PARD6B: variants seen among roughly 807,000 people sequenced by gnomAD.
PARD6B encodes the protein par-6 family cell polarity regulator beta, also known as partitioning defective 6 homolog beta.
A neutral mutation model predicts 10.5 loss-of-function variants in PARD6B; 4 were observed. The ratio of observed to expected loss-of-function variants is 0.38; its 90% CI spans 0.19 to 0.87. The LOEUF is 0.87. PARD6B is among the 40% of genes least tolerant of loss of function. The pLI, the probability that PARD6B is intolerant of heterozygous loss-of-function variation, is 0.41. For synonymous variants in PARD6B, 169 were observed against 170.4 expected (o/e 0.99, Z 0.07); for missense variants, 396 against 470.6 (o/e 0.84, Z 1.47).
At position 50,737,738 on chromosome 20, in the gene PARD6B, A is replaced by G. The variant is rs2087507207; in HGVS notation, c.67-119A>G. 6 of 694,630 alleles carry G rather than the reference A, an allele frequency of 8.6e-6. No individual in the cohort carries two copies. The East Asian group carries it at 8.9e-5, about 10-fold the overall frequency. 43.0% of individuals were successfully genotyped at this position (694,630 alleles called of 1,614,324 possible). ...ATAGTAAGGTTCTTCACAATAGACA[A>G]TCTTTCCTTAATTAAAAATACTTGC... On this transcript the variant is annotated intron_variant, in intron 1 of 2. Transcript: ENST00000371610.
intron 2 of PARD6B, among the ~76,000 whole-genome samples, chr20:50,745,228 G>A (rs764433549): frequency 3.9e-5 from 6 of 152,122 alleles, no homozygotes; most frequent in Non-Finnish European, 8.8e-5. Flanking sequence ...TCAGGAGTTC[G>A]CCACCAGCCT....
Position 50,751,846 on chromosome 20 carries a change from T to C in PARD6B, c.*1358T>C. On this transcript the variant is annotated 3_prime_UTR_variant, in exon 3 of 3. Transcript: ENST00000371610. The stretch of plus-strand genomic sequence containing the variant: ...CCTTCTGAGTAGCTAAGATTACAGG[T>C]GTGCGCCAACACGTCTGGCTTATTT... 1.1e-6 allele frequency: 1 copy of C among 876,146 alleles called. No individual in the cohort carries two copies. Among genetic ancestry groups the C allele is most frequent in the Non-Finnish European group, 1.4e-6 (1 of 732,334 alleles). The allele number at this position is 876,146 out of a possible 1,614,324, so 54.3% of individuals were successfully genotyped here. A position where few individuals can be genotyped will look rare whatever the true frequency, so the allele number is the denominator to read the frequency against.
At chr20:50,743,232 A>G (rs2087540651) in intron 2 of PARD6B, among the ~76,000 whole-genome samples, 1 of 152,232 alleles carries the variant, frequency 6.6e-6, no homozygotes, top group African/African-American at 2.4e-5. Flanking sequence ...TTGATGTGCT[A>G]CAGAACAGAC....
chr20:50,750,616 C>T lies in PARD6B; in HGVS notation c.*128C>T. 1 of 1,426,388 alleles carries T rather than the reference C, an allele frequency of 7.0e-7. No individual in the cohort carries two copies. 88.4% of individuals were successfully genotyped at this position (1,426,388 alleles called of 1,614,324 possible). On this transcript the variant is annotated 3_prime_UTR_variant, in exon 3 of 3. Coordinates refer to ENST00000371610, the MANE Select transcript of PARD6B (RefSeq NM_032521.3). The stretch of plus-strand genomic sequence containing the variant: ...TGAGACGAGTAACGTTGCAAGCTTA[C>T]AATATTATTAAAGTAGTAGTTTGAT...
At position 50,750,750 on chromosome 20, in the gene PARD6B, A is replaced by G. The variant is rs2087600411; in HGVS notation, c.*262A>G. ...TGCTGTTTTGTCTGTGGAGAATCAG[A>G]TGTTAAAGCACATTCTTGGAACTAT... is the stretch of plus-strand genomic sequence containing the variant. On this transcript the variant is annotated 3_prime_UTR_variant, in exon 3 of 3. Transcript: ENST00000371610. 1 of 1,224,508 alleles carries G rather than the reference A, an allele frequency of 8.2e-7. No homozygotes were observed. The highest frequency in any genetic ancestry group is 2.1e-5 in the South Asian group (1 of 46,684). 75.9% of individuals were successfully genotyped at this position (1,224,508 alleles called of 1,614,324 possible). A position where few individuals can be genotyped will look rare whatever the true frequency, so the allele number is the denominator to read the frequency against.
chr20:50,752,967 T>C lies in PARD6B; in HGVS notation c.*2479T>C. The C allele has an allele frequency of 1.0e-6, 1 of 984,310 alleles. No individual in the cohort carries two copies. The highest frequency in any genetic ancestry group is 1.2e-6 in the Non-Finnish European group (1 of 828,510). 61.0% of individuals were successfully genotyped at this position (984,310 alleles called of 1,614,324 possible). On this transcript the variant is annotated 3_prime_UTR_variant, in exon 3 of 3. Coordinates refer to ENST00000371610, the MANE Select transcript of PARD6B (RefSeq NM_032521.3). ...CTGTGAGTCTTACAAATTTGACTCTTGAATGGCAAAATAATGTTAGTATGT... is the reference window on the plus strand; with the variant it reads ...CTGTGAGTCTTACAAATTTGACTCTCGAATGGCAAAATAATGTTAGTATGT...
chr20:50,741,059 C>G (rs1489994325), intron 2 of PARD6B, among the ~76,000 whole-genome samples: 1 of 150,684 alleles, frequency 6.6e-6, no homozygotes, highest in Non-Finnish European at 1.5e-5. Flanking sequence ...TTCCCAGGTT[C>G]AAGTGATTGT....
chr20:50,753,110 G>T lies in PARD6B; in HGVS notation c.*2622G>T. ...TTAAAGTTTTAACATCAGAACTTTT[G>T]GGGGAAAAACTACTTCAGGGCTTGA... On this transcript the variant is annotated 3_prime_UTR_variant, in exon 3 of 3. Coordinates refer to ENST00000371610, the MANE Select transcript of PARD6B (RefSeq NM_032521.3). 13 of 983,434 alleles carry T rather than the reference G, an allele frequency of 1.3e-5. No homozygotes were observed. The highest frequency in any genetic ancestry group is 1.6e-5 in the Non-Finnish European group (13 of 828,482). The allele number at this position is 983,434 out of a possible 1,614,324, so 60.9% of individuals were successfully genotyped here.
rs533423162 is a variant in PARD6B, at chr20:50,739,489, C to T, written c.289+1410C>T. On this transcript the variant is annotated intron_variant, in intron 2 of 2. Transcript: ENST00000371610. ...GCTTGAGAGAATGGGTGGGGATTAT[C>T]TTTGAAGGTGAAAACTATTTCTAAT... Among the ~76,000 whole-genome samples, 35 of 152,074 alleles carry T rather than the reference C, an allele frequency of 2.3e-4. No homozygotes were observed. In the South Asian group the frequency reaches 7.3e-3, roughly 32 times the overall value.
At position 50,750,124 on chromosome 20, in the gene PARD6B, G is replaced by A. The variant is rs778325859; in HGVS notation, c.755G>A (p.Arg252Lys). The A allele has an allele frequency of 7.4e-6, 12 of 1,614,104 alleles. No homozygotes were observed. The highest frequency in any genetic ancestry group is 2.2e-5 in the South Asian group (2 of 91,084). ...LIITVRPANQRNNVVRNSRTS... is the reference protein window; with the variant it reads ...LIITVRPANQKNNVVRNSRTS... ...ATAACAGTGAGACCGGCAAACCAGA[G>A]GAATAATGTTGTGAGGAACAGTCGG... The change falls in exon 3 of 3, where the codon AGG becomes AAG. Residue 252 changes from arginine to lysine, a missense_variant. Coordinates refer to ENST00000371610, the MANE Select transcript of PARD6B (RefSeq NM_032521.3).
At chr20:50,731,886 C>A in intron 1 of PARD6B, 34 bp downstream of exon 1, 1 of 1,389,870 alleles carries the variant, frequency 7.2e-7, no homozygotes, top group Non-Finnish European at 9.3e-7. Flanking sequence ...GAGCGGCGGG[C>A]CTGGGGGGCC....
Position 50,742,258 on chromosome 20 carries a change from G to A in PARD6B, c.289+4179G>A, listed in dbSNP as rs564086900. On this transcript the variant is annotated intron_variant, in intron 2 of 2. Transcript: ENST00000371610. ...AGGGTTTTGCCATGTTGGCCAGACT[G>A]TTCTCAAACTCCTGACCTCAAGTGA... Among the ~76,000 whole-genome samples, 19 of 152,036 alleles carry A rather than the reference G, an allele frequency of 1.2e-4. No homozygotes were observed. The South Asian group carries it at 3.8e-3, about 30-fold the overall frequency.
rs2087590815 is a variant in PARD6B, at chr20:50,749,961, G to A, written c.592G>A (p.Val198Ile). Residue 198 changes from valine (V) to isoleucine (I), a missense_variant, in exon 3 of 3, where the codon GTC becomes ATC. This residue lies in a region of PARD6B where 208 missense variants were observed against 300.9 expected (regional missense o/e 0.69). Transcript: ENST00000371610. ...TCCAGGGATCTTTATATCCAGGCTT[G>A]TCCCAGGAGGTCTGGCTCAAAGTAC... ...KVPGIFISRLVPGGLAQSTGL... is the reference protein window; with the variant it reads ...KVPGIFISRLIPGGLAQSTGL... 5.0e-6 allele frequency: 8 copies of A among 1,614,076 alleles called. No homozygotes were observed. Among genetic ancestry groups the A allele is most frequent in the Non-Finnish European group, 6.8e-6 (8 of 1,180,048 alleles).
intron 2 of PARD6B, among the ~76,000 whole-genome samples, chr20:50,740,854 C>T (rs1417195042): frequency 2.0e-5 from 3 of 152,118 alleles, no homozygotes; most frequent in African/African-American, 7.2e-5. Context: ...AATAAAATCC[C>T]TTCTGATTTG....
chr20:50,734,024 A>G (rs559420714), intron 1 of PARD6B, among the ~76,000 whole-genome samples: 2 of 152,336 alleles, frequency 1.3e-5, no homozygotes, highest in Admixed American at 6.5e-5. Context: ...CTGCACTTTC[A>G]GCTAACTGTG....
Position 50,749,921 on chromosome 20 carries a change from T to A in PARD6B, c.552T>A (p.His184Gln), listed in dbSNP as rs1163938827. ...GCTCCAGTGTCAGGGTAACACCACA[T>A]GGCTTAGAAAAGGTTCCAGGGATCT... ...RDGSSVRVTP[H>Q]GLEKVPGIFI... is the part of the protein sequence containing the mutation. Residue 184 changes from histidine to glutamine, a missense_variant, in exon 3 of 3, where the codon CAT becomes CAA. Around this residue, in one of 2 missense-constraint regions of PARD6B, gnomAD observed 208 missense variants for 300.9 expected, o/e 0.69. Coordinates refer to ENST00000371610, the MANE Select transcript of PARD6B (RefSeq NM_032521.3). The A allele has an allele frequency of 1.9e-6, 3 of 1,614,208 alleles. No individual in the cohort carries two copies. The South Asian group carries it at 3.3e-5, about 18-fold the overall frequency.
At chr20:50,736,432 T>G (rs1037653468) in intron 1 of PARD6B, among the ~76,000 whole-genome samples, 3 of 152,242 alleles carry the variant, frequency 2.0e-5, no homozygotes, top group African/African-American at 4.8e-5. Flanking sequence ...GTTCAGTGGT[T>G]AAACACATTA....
chr20:50,752,731 T>A lies in PARD6B; in HGVS notation c.*2243T>A, dbSNP rs551644052. On this transcript the variant is annotated 3_prime_UTR_variant, in exon 3 of 3. Coordinates refer to ENST00000371610, the MANE Select transcript of PARD6B (RefSeq NM_032521.3). The stretch of plus-strand genomic sequence containing the variant: ...ACTCCGCTTTGAAGGATGTTTTCTC[T>A]ATATGGTAAAATATATATGAAGAAG... The A allele has an allele frequency of 1.0e-6, 1 of 981,894 alleles. No homozygotes were observed. The highest frequency in any genetic ancestry group is 4.7e-5 in the South Asian group (1 of 21,214). 60.8% of individuals were successfully genotyped at this position (981,894 alleles called of 1,614,324 possible). A position where few individuals can be genotyped will look rare whatever the true frequency, so the allele number is the denominator to read the frequency against.
At chr20:50,733,990 ATGT>A (rs1397464687) in intron 1 of PARD6B, among the ~76,000 whole-genome samples, 1 of 152,132 alleles carries the variant, frequency 6.6e-6, no homozygotes, top group Non-Finnish European at 1.5e-5. Context: ...TCTAAACTAC[ATGT>A]TGTATATTTG....
Sources: allele counts gnomAD v4.1 joint callset (sites outside exome capture counted in the v4.1 genomes callset), GRCh38; gene constraint gnomAD v4.1.1; regional missense constraint gnomAD v4.1.1; transcripts MANE v1.5; gene names NCBI Gene and HGNC (gene_info 2026-07-23, HGNC 2026-07-21).